PARD3B: variants seen among roughly 807,000 people sequenced by gnomAD.
The protein encoded by PARD3B is partitioning defective 3 homolog B.
PARD3B carries 103 observed loss-of-function variants against 130.2 expected under a neutral mutation model. The observed-to-expected ratio is 0.79, with a 90% CI of 0.67 to 0.93. PARD3B has a LOEUF of 0.93. Among genes scored for constraint, PARD3B ranks in the 40% least tolerant of loss-of-function variants. The pLI is 0.00. For missense variants in PARD3B, 1,609 were observed against 1,499.2 expected (o/e 1.07, Z -1.21); for synonymous variants, 583 against 553.2 (o/e 1.05, Z -0.76).
intron 2 of PARD3B, among the ~76,000 whole-genome samples, chr2:204,780,398 C>T (rs1415400317): frequency 2.6e-5 from 4 of 151,928 alleles, no homozygotes; most frequent in African/African-American, 4.8e-5. Context: ...GGCAAATAAT[C>T]GGTTATCATC....
In PARD3B at chr2:205,051,269, C is replaced by T. The variant is rs183817005; in HGVS notation, c.504+3579C>T. On this transcript the variant is annotated intron_variant, in intron 4 of 22. Transcript: ENST00000406610. ...ATGATTTGATAAGTGATGGTGAATTCGGGGAGTGTGTGATAATGTAGCCAT... is the reference window on the plus strand; with the variant it reads ...ATGATTTGATAAGTGATGGTGAATTTGGGGAGTGTGTGATAATGTAGCCAT... Among the ~76,000 whole-genome samples, 133 of 152,116 alleles carry T rather than the reference C, an allele frequency of 8.7e-4. 1 individual carries two copies. Among genetic ancestry groups the T allele is most frequent in the East Asian group, 8.3e-3 (43 of 5,168 alleles).
intron 3 of PARD3B, among the ~76,000 whole-genome samples, chr2:204,984,478 G>T (rs1692955372): frequency 6.6e-6 from 1 of 152,022 alleles, no homozygotes; most frequent in African/African-American, 2.4e-5. Flanking sequence ...TGATAGCCAG[G>T]GCCCTTAGGA....
At chr2:204,997,647 A>G (rs1343586979) in intron 3 of PARD3B, among the ~76,000 whole-genome samples, 1 of 152,096 alleles carries the variant, frequency 6.6e-6, no homozygotes, top group Non-Finnish European at 1.5e-5. Context: ...GTTTTACACA[A>G]TTATGTCATC....
In PARD3B at chr2:205,288,870, C is replaced by G. The variant is rs1274384040; in HGVS notation, c.2186-11660C>G. On this transcript the variant is annotated intron_variant, in intron 16 of 22. Transcript: ENST00000406610. The surrounding 1 kb of genome is among the most constrained non-coding windows in gnomAD (Gnocchi z 4.0). ...TCACACTGTGCTTTCTTTTCTCTGA[C>G]TTCTGCAAGCCTAAAATACTCCAGC... Among the ~76,000 whole-genome samples, 1 of 152,192 alleles carries G rather than the reference C, an allele frequency of 6.6e-6. No homozygotes were observed. Among genetic ancestry groups the G allele is most frequent in the Non-Finnish European group, 1.5e-5 (1 of 68,046 alleles).
At chr2:204,648,603 T>TA (rs2035357140) in intron 1 of PARD3B, among the ~76,000 whole-genome samples, 1 of 127,048 alleles carries the variant, frequency 7.9e-6, no homozygotes, top group African/African-American at 3.0e-5. Flanking sequence ...ATATAATATA[T>TA]TTATATTTAT....
At chr2:204,892,547 G>A (rs1416775333) in intron 2 of PARD3B, among the ~76,000 whole-genome samples, 6 of 152,144 alleles carry the variant, frequency 3.9e-5, no homozygotes, top group Non-Finnish European at 7.3e-5. Flanking sequence ...TGAAGATGTC[G>A]TATGAAAACT....
intron 2 of PARD3B, among the ~76,000 whole-genome samples, chr2:204,866,556 A>T (rs16836690): frequency 6.6e-6 from 1 of 151,998 alleles, no homozygotes; most frequent in African/African-American, 2.4e-5. Flanking sequence ...CCTGTTCTGG[A>T]TTCTGGAGTT....
chr2:204,550,608 A>G (rs541988981), intron 1 of PARD3B, among the ~76,000 whole-genome samples: 3 of 152,252 alleles, frequency 2.0e-5, no homozygotes. Context: ...CTGACTGCGT[A>G]TGTGAGTACA....
At position 205,615,711 on chromosome 2, in the gene PARD3B, T is replaced by C; in HGVS notation, c.3516T>C (p.Tyr1172=). 6.2e-7 allele frequency: 1 copy of C among 1,613,900 alleles called. No homozygotes were observed. ...CCCAGCACCAAAGAATGCCAGCCTA[T>C]CAGGAAACAGGCAGACCAGGGCCCC... The part of the protein sequence containing the change: ...SPPQHQRMPA[Y]QETGRPGPRG... Residue 1172 remains tyrosine (Y), a synonymous_variant, in exon 23 of 23, where the codon TAT becomes TAC. Coordinates refer to ENST00000406610, the MANE Select transcript of PARD3B (RefSeq NM_001302769.2).
At chr2:204,979,642 A>T (rs1212247963) in intron 3 of PARD3B, among the ~76,000 whole-genome samples, 1 of 152,238 alleles carries the variant, frequency 6.6e-6, no homozygotes, top group African/African-American at 2.4e-5. Context: ...ACAGATATGT[A>T]TAAAGGTATA....
At chr2:204,996,549 G>C (rs1694198002) in intron 3 of PARD3B, among the ~76,000 whole-genome samples, 1 of 151,646 alleles carries the variant, frequency 6.6e-6, no homozygotes, top group African/African-American at 2.4e-5. Flanking sequence ...TCTGTGCCCT[G>C]CCCCCAGAGG....
intron 20 of PARD3B, among the ~76,000 whole-genome samples, chr2:205,494,756 G>A (rs551990537): frequency 2.1e-4 from 32 of 152,254 alleles, no homozygotes; most frequent in Middle Eastern, 3.4e-3. Context: ...CCTTTCTTGC[G>A]AGGCAACATG....
intron 1 of PARD3B, among the ~76,000 whole-genome samples, chr2:204,578,124 AG>A (rs1301787377): frequency 6.6e-6 from 1 of 152,204 alleles, no homozygotes; most frequent in East Asian, 1.9e-4. Context: ...ACAGAGGCTG[AG>A]AAACCCTGTT....
chr2:204,907,836 G>A lies in PARD3B; in HGVS notation c.223-57316G>A, dbSNP rs1450579205. ...CCTGCCTCCAACTCCTGAGTAGCTG[G>A]GACTACAGGTGTGTGGTAGCACGCC... is the stretch of plus-strand genomic sequence containing the variant. On this transcript the variant is annotated intron_variant, in intron 2 of 22. Transcript: ENST00000406610. This position sits in a 1 kb window ranked among gnomAD's most constrained non-coding sequence, Gnocchi z 5.7. Among the ~76,000 whole-genome samples, 17 of 151,918 alleles carry A rather than the reference G, an allele frequency of 1.1e-4. No homozygotes were observed. The highest frequency in any genetic ancestry group is 4.1e-4 in the African/African-American group (17 of 41,366).
intron 18 of PARD3B, among the ~76,000 whole-genome samples, chr2:205,308,850 C>T (rs2042278108): frequency 1.3e-5 from 2 of 152,066 alleles, no homozygotes; most frequent in Non-Finnish European, 2.9e-5. Context: ...AGAGAATAAA[C>T]AACTAATCCA....
rs566009382 is a variant in PARD3B, at chr2:205,276,667, T to A, written c.2186-23863T>A. Reference sequence around the variant, plus strand: ...CTTGCAGCGCTTTATCAGCCGACATTTACACAGAAACTCCTGCCTCTGAGC... The same window carrying A: ...CTTGCAGCGCTTTATCAGCCGACATATACACAGAAACTCCTGCCTCTGAGC... On this transcript the variant is annotated intron_variant, in intron 16 of 22. Coordinates refer to ENST00000406610, the MANE Select transcript of PARD3B (RefSeq NM_001302769.2). This position sits in a 1 kb window ranked among gnomAD's most constrained non-coding sequence, Gnocchi z 5.0. 6.6e-6 allele frequency among the ~76,000 whole-genome samples: 1 copy of A among 152,236 alleles called. No individual in the cohort carries two copies. Among genetic ancestry groups the A allele is most frequent in the Admixed American group, 6.5e-5 (1 of 15,296 alleles).
At chr2:205,059,793 C>T (rs1003512004) in intron 4 of PARD3B, among the ~76,000 whole-genome samples, 1 of 152,022 alleles carries the variant, frequency 6.6e-6, no homozygotes, top group African/African-American at 2.4e-5. Context: ...GCTTTAATAG[C>T]GTTAATTTAC....
intron 20 of PARD3B, among the ~76,000 whole-genome samples, chr2:205,499,419 C>G (rs2050074011): frequency 1.3e-5 from 2 of 152,060 alleles, no homozygotes; most frequent in Non-Finnish European, 2.9e-5. Context: ...TATCCCATCC[C>G]CAACCCCCAC....
At position 204,612,246 on chromosome 2, in the gene PARD3B, C is replaced by T. The variant is rs562328840; in HGVS notation, c.120+66127C>T. On this transcript the variant is annotated intron_variant, in intron 1 of 22. Transcript: ENST00000406610. ...TGTAGAATGCAGGCCACCAGTGGCC[C>T]GACTTTTGCTTTTACCAGATGAGAT... Among the ~76,000 whole-genome samples the T allele has an allele frequency of 2.6e-5, 4 of 152,292 alleles. No individual in the cohort carries two copies. In the East Asian group the frequency reaches 5.8e-4, roughly 22 times the overall value.
Sources: allele counts gnomAD v4.1 joint callset (sites outside exome capture counted in the v4.1 genomes callset), GRCh38; gene constraint gnomAD v4.1.1; non-coding constraint Gnocchi (gnomAD v3.1); transcripts MANE v1.5; gene names NCBI Gene and HGNC (gene_info 2026-07-23, HGNC 2026-07-21).